Variants in CSMD1 observed in about 807,000 individuals in gnomAD.
The protein encoded by CSMD1 is CUB and sushi domain-containing protein 1.
CSMD1 carries 213 observed loss-of-function variants against 417.5 expected under a neutral mutation model. That is an observed-to-expected ratio of 0.51 (90% CI 0.46 to 0.57). CSMD1 has a LOEUF of 0.57. CSMD1 is among the 20% of genes least tolerant of loss of function. The pLI, the probability that CSMD1 is intolerant of heterozygous loss-of-function variation, is 0.00. For missense variants in CSMD1, 6,923 were observed against 4,529.7 expected (o/e 1.53, Z -15.17); for synonymous variants, 2,862 against 1,736.8 (o/e 1.65, Z -16.11).
At position 3,399,599 on chromosome 8, in the gene CSMD1, A is replaced by T. The variant is rs555327409; in HGVS notation, c.2267-70T>A. 2.9e-4 allele frequency: 345 copies of T among 1,209,186 alleles called. 1 individual carries two copies. The highest frequency in any genetic ancestry group is 2.3e-3 in the South Asian group (122 of 53,484). 74.9% of individuals were successfully genotyped at this position (1,209,186 alleles called of 1,614,324 possible). A position where few individuals can be genotyped will look rare whatever the true frequency, so the allele number is the denominator to read the frequency against. On this transcript the variant is annotated intron_variant, in intron 15 of 69. Transcript: ENST00000635120. ...GGATATGCCATAACAATACCCGGAT[A>T]AAAGCCAGAATCTGCTTCTGTGTTC...
At chr8:4,445,949 G>C (rs17414897) in intron 2 of CSMD1, among the ~76,000 whole-genome samples, 13,716 of 152,124 alleles carry the variant, frequency 0.09, 874 homozygotes, top group Admixed American at 0.2. Flanking sequence ...AAAGTATTTC[G>C]GTGTTGAGGT....
intron 25 of CSMD1, among the ~76,000 whole-genome samples, chr8:3,291,101 G>T (rs1311830963): frequency 6.6e-6 from 1 of 152,100 alleles, no homozygotes; most frequent in Non-Finnish European, 1.5e-5. Context: ...TTTTGTCGTT[G>T]GTTCTGTTTA....
intron 10 of CSMD1, among the ~76,000 whole-genome samples, chr8:3,553,706 A>T (rs1381822324): frequency 6.6e-6 from 1 of 152,246 alleles, no homozygotes; most frequent in African/African-American, 2.4e-5. Context: ...CATAGTTACA[A>T]ATATTCTGAA....
intron 17 of CSMD1, among the ~76,000 whole-genome samples, chr8:3,391,395 G>A (rs1585095132): frequency 6.6e-6 from 1 of 152,108 alleles, no homozygotes; most frequent in African/African-American, 2.4e-5. Flanking sequence ...ATACCCTTGA[G>A]AATTCCATTT....
At chr8:3,466,115 C>G (rs1257300945) in intron 12 of CSMD1, among the ~76,000 whole-genome samples, 4 of 152,014 alleles carry the variant, frequency 2.6e-5, no homozygotes, top group Non-Finnish European at 5.9e-5. Context: ...GCTCGCATTT[C>G]TTAAGTTCTT....
Position 2,938,735 on chromosome 8 carries a change from T to C in CSMD1, c.10545A>G (p.Pro3515=), listed in dbSNP as rs754708627. 25 of 1,607,654 alleles carry C rather than the reference T, an allele frequency of 1.6e-5. No homozygotes were observed. Among genetic ancestry groups the C allele is most frequent in the East Asian group, 2.2e-5 (1 of 44,770 alleles). ...CAGCATAGCCATTGTATTGAACTTT[T>C]GGTCTCGTTCTAAGGAAAACAGAAA... ...AFYLYKHRTR[P]KVQYNGYAGH... is the part of the protein sequence containing the mutation. Residue 3515 remains proline, a synonymous_variant, in exon 70 of 70, where the codon CCA becomes CCG. Transcript: ENST00000635120.
intron 5 of CSMD1, among the ~76,000 whole-genome samples, chr8:3,761,814 C>T (rs1322463261): frequency 6.6e-6 from 1 of 152,064 alleles, no homozygotes. Flanking sequence ...CCAAAATTAC[C>T]ACTTTCTACA....
At chr8:3,917,395 T>G (rs1053448980) in intron 5 of CSMD1, among the ~76,000 whole-genome samples, 2 of 142,562 alleles carry the variant, frequency 1.4e-5, no homozygotes, top group Non-Finnish European at 3.0e-5. Context: ...CTACAGGAGT[T>G]TGGGTTTGGT....
intron 3 of CSMD1, among the ~76,000 whole-genome samples, chr8:4,272,515 A>G (rs1452307521): frequency 9.8e-5 from 15 of 152,350 alleles, no homozygotes; most frequent in Middle Eastern, 3.4e-3. Context: ...AAAAATACAT[A>G]GAAACCACAT....
At chr8:4,148,335 A>T (rs367928018) in intron 3 of CSMD1, among the ~76,000 whole-genome samples, 65 of 126,100 alleles carry the variant, frequency 5.2e-4, no homozygotes, top group African/African-American at 1.9e-3. Flanking sequence ...ACATAGACAG[A>T]GGAAGGGAAA....
chr8:3,552,194 G>A (rs898397044), intron 10 of CSMD1, among the ~76,000 whole-genome samples: 1 of 152,140 alleles, frequency 6.6e-6, no homozygotes, highest in African/African-American at 2.4e-5. Context: ...AGTACTGTCT[G>A]TGGAAAAGAC....
intron 54 of CSMD1, 29 bp from the exon 55 acceptor site, chr8:2,978,829 TTAGAAACAGCTAGA>T (rs1158188351): frequency 6.5e-7 from 1 of 1,547,820 alleles, no homozygotes; most frequent in Non-Finnish European, 8.7e-7. Flanking sequence ...CACACACCAT[TTAGAAACAGCTAGA>T]AATAACAACA....
intron 2 of CSMD1, among the ~76,000 whole-genome samples, chr8:4,517,042 G>T (rs956950827): frequency 6.6e-5 from 10 of 152,142 alleles, no homozygotes; most frequent in Admixed American, 5.9e-4. Context: ...TAATTATTTA[G>T]ATCTCTGTTT....
intron 1 of CSMD1, among the ~76,000 whole-genome samples, chr8:4,991,162 G>A (rs986877408): frequency 2.0e-5 from 3 of 152,126 alleles, no homozygotes; most frequent in Non-Finnish European, 2.9e-5. Flanking sequence ...GATCAGCCCC[G>A]GGTAAAGGGG....
intron 1 of CSMD1, among the ~76,000 whole-genome samples, chr8:4,748,904 A>T (rs1451648314): frequency 6.6e-6 from 1 of 152,228 alleles, no homozygotes; most frequent in East Asian, 1.9e-4. Flanking sequence ...GTTACTCTGA[A>T]GGTTCTCTGC....
intron 1 of CSMD1, among the ~76,000 whole-genome samples, chr8:4,969,180 G>C (rs901693352): frequency 1.3e-5 from 2 of 152,060 alleles, no homozygotes; most frequent in Non-Finnish European, 2.9e-5. Flanking sequence ...GCGTGTGTGC[G>C]TGTGTGTTGG....
chr8:3,760,392 C>G (rs1021276875), intron 5 of CSMD1, among the ~76,000 whole-genome samples: 1 of 152,186 alleles, frequency 6.6e-6, no homozygotes, highest in Non-Finnish European at 1.5e-5. Flanking sequence ...TCATGGGATC[C>G]TTACAGTTAC....
At chr8:3,728,880 T>C (rs1222352011) in intron 6 of CSMD1, among the ~76,000 whole-genome samples, 1 of 152,230 alleles carries the variant, frequency 6.6e-6, no homozygotes, top group Non-Finnish European at 1.5e-5. Context: ...GCAGGGATAC[T>C]GGCATCCACG....
chr8:3,928,725 C>G (rs375174191), intron 5 of CSMD1, among the ~76,000 whole-genome samples: 1 of 149,942 alleles, frequency 6.7e-6, no homozygotes, highest in Non-Finnish European at 1.5e-5. Flanking sequence ...TCTTAATATA[C>G]GTGAATACTT....
Sources: gnomAD v4.1 joint callset for allele counts (sites outside exome capture counted in the v4.1 genomes callset) on GRCh38, gnomAD v4.1.1 for gene constraint, MANE v1.5 for transcripts, NCBI Gene and HGNC (gene_info 2026-07-23, HGNC 2026-07-21) for gene names.